Variants in RFPL2 observed in about 807,000 individuals in gnomAD.
RFPL2 encodes the protein ret finger protein-like 2.
Under a neutral mutation model 17.8 loss-of-function variants are expected in RFPL2, and 13 were observed. The observed-to-expected ratio is 0.73, with a 90% confidence interval of 0.47 to 1.16. The LOEUF is 1.16. Among genes scored for constraint, RFPL2 ranks in the 50% most tolerant of loss-of-function variants. The pLI is 0.00. For synonymous variants in RFPL2, 189 were observed against 180.9 expected (o/e 1.04, Z -0.36); for missense variants, 431 against 479.3 (o/e 0.90, Z 0.94).
Position 32,194,312 on chromosome 22 carries a change from A to G in RFPL2, c.265+33T>C, listed in dbSNP as rs775032523. 6 of 1,590,466 alleles carry G rather than the reference A, an allele frequency of 3.8e-6. No individual in the cohort carries two copies. In the South Asian group the frequency reaches 5.8e-5, roughly 15 times the overall value. On this transcript the variant is annotated intron_variant, in intron 3 of 4. Coordinates refer to ENST00000652607, the MANE Select transcript of RFPL2 (RefSeq NM_001394555.1). ...CATAACCCCCATTTCTAGGCATCTA[A>G]GAGGAAAAACACACACACAGGCATG...
rs190772107 is a variant in RFPL2, at chr22:32,200,465, G to A, written c.119+1868C>T. 7.1e-4 allele frequency among the ~76,000 whole-genome samples: 108 copies of A among 152,288 alleles called. 1 individual carries two copies. Among genetic ancestry groups the A allele is most frequent in the Middle Eastern group, 3.4e-3 (1 of 294 alleles). ...TGTAAGGGGGGATTCCTGGCACCCA[G>A]TGGGATAGTAGCCCAGGGGGAGAGG... is the stretch of plus-strand genomic sequence containing the variant. On this transcript the variant is annotated intron_variant, in intron 2 of 4. Coordinates refer to ENST00000652607, the MANE Select transcript of RFPL2 (RefSeq NM_001394555.1).
rs1009874550 is a variant in RFPL2 at position 32,202,479 on chromosome 22, C to G, written c.-28G>C. ...GAGGCAAATCATGGTGCCACAGGCT[C>G]TAGCCTCCAGCCCGTGGCATGTAGC... On this transcript the variant is annotated 5_prime_UTR_variant, in exon 2 of 5. An upstream open reading frame in the 5' UTR loses its in-frame stop. Transcript: ENST00000652607. The G allele has an allele frequency of 1.3e-6, 2 of 1,564,606 alleles. No individual in the cohort carries two copies. Among genetic ancestry groups the G allele is most frequent in the Non-Finnish European group, 1.7e-6 (2 of 1,154,592 alleles).
chr22:32,202,019 G>C (rs190269255), intron 2 of RFPL2, among the ~76,000 whole-genome samples: 45 of 152,168 alleles, frequency 3.0e-4, no homozygotes, highest in African/African-American at 1.1e-3. Context: ...CTAAGATCAG[G>C]GTGCCAGCAG....
rs1219495608 is a variant in RFPL2, at chr22:32,190,518, G to C, written c.*254C>G. The C allele has an allele frequency of 1.4e-5, 5 of 360,664 alleles. No homozygotes were observed. The highest frequency in any genetic ancestry group is 2.5e-5 in the Non-Finnish European group (5 of 203,582). 22.3% of individuals were successfully genotyped at this position (360,664 alleles called of 1,614,324 possible). A position where few individuals can be genotyped will look rare whatever the true frequency, so the allele number is the denominator to read the frequency against. On this transcript the variant is annotated 3_prime_UTR_variant, in exon 5 of 5. Transcript: ENST00000652607. ...GCAGAAATAAAAAAGTAAAGCATTT[G>C]GAAATTGATCCCAGAATACAGGACA...
chr22:32,203,081 C>T (rs1248511658), intron 1 of RFPL2: 2 of 985,796 alleles, frequency 2.0e-6, no homozygotes, highest in Non-Finnish European at 2.4e-6. Flanking sequence ...CCACCGCTGT[C>T]ACTGACACCT....
intron 2 of RFPL2, among the ~76,000 whole-genome samples, chr22:32,195,653 T>C (rs1923244894): frequency 6.6e-6 from 1 of 151,822 alleles, no homozygotes; most frequent in African/African-American, 2.4e-5. Flanking sequence ...AGACGGGGTT[T>C]CACCATTTTG....
In RFPL2 at chr22:32,191,362, G is replaced by T; in HGVS notation, c.557-10C>A. ...TCCAAGGTCATATCCACTGTGAAAA[G>T]GAAAAAAAGTTGCTCAGCAAATGGA... On this transcript the variant is annotated splice_polypyrimidine_tract_variant and intron_variant, in intron 4 of 4. Transcript: ENST00000652607. 1 of 1,593,680 alleles carries T rather than the reference G, an allele frequency of 6.3e-7. No individual in the cohort carries two copies. Among genetic ancestry groups the T allele is most frequent in the Non-Finnish European group, 8.6e-7 (1 of 1,169,210 alleles).
At chr22:32,200,093 C>T (rs1034017883) in intron 2 of RFPL2, 5 of 419,362 alleles carry the variant, frequency 1.2e-5, no homozygotes, top group African/African-American at 2.1e-5. Context: ...CCAAGGCCTC[C>T]AAACAGAGCA....
intron 1 of RFPL2, chr22:32,203,106 C>T (rs1924119132): frequency 3.0e-6 from 3 of 985,640 alleles, no homozygotes; most frequent in South Asian, 9.4e-5. Context: ...CGCCCGCCAC[C>T]GGCAGTGCAG....
rs189325264 is a variant in RFPL2 at position 32,190,740 on chromosome 22, T to G, written c.*32A>C. 2.8e-5 allele frequency: 42 copies of G among 1,502,290 alleles called. No individual in the cohort carries two copies. Among genetic ancestry groups the G allele is most frequent in the Admixed American group, 9.4e-5 (4 of 42,520 alleles). The allele number at this position is 1,502,290 out of a possible 1,614,324, so 93.1% of individuals were successfully genotyped here. ...AGTCTACCCACCCAAGTAATTTTCTTACCCTGTTTTTTGTTTTTTTGGAGT... is the reference window on the plus strand; with the variant it reads ...AGTCTACCCACCCAAGTAATTTTCTGACCCTGTTTTTTGTTTTTTTGGAGT... On this transcript the variant is annotated 3_prime_UTR_variant, in exon 5 of 5. Coordinates refer to ENST00000652607, the MANE Select transcript of RFPL2 (RefSeq NM_001394555.1).
chr22:32,197,934 G>C (rs1923519387), intron 2 of RFPL2, among the ~76,000 whole-genome samples: 1 of 152,134 alleles, frequency 6.6e-6, no homozygotes, highest in African/African-American at 2.4e-5. Flanking sequence ...GGTGATAGGG[G>C]CTTGCTTCCA....
chr22:32,192,209 T>A (rs1272169219), intron 4 of RFPL2, among the ~76,000 whole-genome samples: 1 of 152,164 alleles, frequency 6.6e-6, no homozygotes, highest in Non-Finnish European at 1.5e-5. Flanking sequence ...GTCGGGGACA[T>A]CATAGGGGCC....
intron 2 of RFPL2, among the ~76,000 whole-genome samples, chr22:32,195,240 T>C (rs1923194534): frequency 6.6e-6 from 1 of 152,204 alleles, no homozygotes; most frequent in African/African-American, 2.4e-5. Flanking sequence ...TAATTAAAAA[T>C]AAAGACCTAA....
In RFPL2 at chr22:32,193,061, G is replaced by A. The variant is rs747556887; in HGVS notation, c.397C>T (p.His133Tyr). ...KCINSLQKEP[H>Y]GEDLLCCCSS... ...CAACAGCAAAGTAGATCCTCCCCAT[G>A]GGGCTCCTTCTGCAGTGAATTAATG... The change falls in exon 4 of 5, where the codon CAT becomes TAT. Residue 133 changes from histidine to tyrosine, a missense_variant. By Grantham distance (83) the His-to-Tyr change is moderately conservative (BLOSUM62 2). Transcript: ENST00000652607. 1 of 1,613,942 alleles carries A rather than the reference G, an allele frequency of 6.2e-7. No homozygotes were observed. The highest frequency in any genetic ancestry group is 8.5e-7 in the Non-Finnish European group (1 of 1,179,874).
At position 32,191,286 on chromosome 22, in the gene RFPL2, A is replaced by C. The variant is rs201286112; in HGVS notation, c.623T>G (p.Val208Gly). 1.8e-4 allele frequency: 296 copies of C among 1,613,866 alleles called. No homozygotes were observed. In the African/African-American group the frequency reaches 3.8e-3, roughly 21 times the overall value. Residue 208 changes from valine to glycine, a missense_variant, in exon 5 of 5, where the codon GTC (valine) becomes GGC (glycine). Transcript: ENST00000652607. ...ATTCTGTCTGATGCGCCCACTTCGGACGCTCCTGAGGTCGTCAGAAATGAG... is the reference window on the plus strand; with the variant it reads ...ATTCTGTCTGATGCGCCCACTTCGGCCGCTCCTGAGGTCGTCAGAAATGAG... ...FLLISDDLRS[V>G]RSGRIRQNRQ...
intron 2 of RFPL2, among the ~76,000 whole-genome samples, chr22:32,200,889 A>G (rs1466365459): frequency 2.0e-5 from 3 of 152,070 alleles, no homozygotes; most frequent in African/African-American, 7.2e-5. Context: ...TCTTCACCTT[A>G]CAGCAGGTTC....
At position 32,202,554 on chromosome 22, in the gene RFPL2, G is replaced by C. The variant is rs1348863990; in HGVS notation, c.-99-4C>G. On this transcript the variant is annotated splice_region_variant and splice_polypyrimidine_tract_variant and intron_variant, in intron 1 of 4. Coordinates refer to ENST00000652607, the MANE Select transcript of RFPL2 (RefSeq NM_001394555.1). ...GGGCAGACAAAGCCAGAAAAGCCTAGAACAGGATGCAGAGTGGTAACATTA... is the reference window on the plus strand; with the variant it reads ...GGGCAGACAAAGCCAGAAAAGCCTACAACAGGATGCAGAGTGGTAACATTA... The C allele has an allele frequency of 2.3e-5, 35 of 1,515,306 alleles. No homozygotes were observed. Among genetic ancestry groups the C allele is most frequent in the Non-Finnish European group, 3.1e-5 (35 of 1,134,406 alleles). The allele number at this position is 1,515,306 out of a possible 1,614,324, so 93.9% of individuals were successfully genotyped here.
intron 1 of RFPL2, chr22:32,202,950 T>C (rs1924095658): frequency 1.0e-6 from 1 of 986,074 alleles, no homozygotes; most frequent in African/African-American, 1.7e-5. Flanking sequence ...AGGAGGCGGG[T>C]CCAGGAAGCA....
Position 32,190,558 on chromosome 22 carries a change from A to C in RFPL2, c.*214T>G, listed in dbSNP as rs1922462448. On this transcript the variant is annotated 3_prime_UTR_variant, in exon 5 of 5. Coordinates refer to ENST00000652607, the MANE Select transcript of RFPL2 (RefSeq NM_001394555.1). The stretch of plus-strand genomic sequence containing the variant: ...AATACAGGACATTTCTATAGGAAAC[A>C]AGATGTGAACCATAGGACTCAATGA... 2.3e-6 allele frequency: 1 copy of C among 432,010 alleles called. No homozygotes were observed. The highest frequency in any genetic ancestry group is 4.0e-6 in the Non-Finnish European group (1 of 251,668). 26.8% of individuals were successfully genotyped at this position (432,010 alleles called of 1,614,324 possible).
Sources: gnomAD v4.1 joint callset for allele counts (sites outside exome capture counted in the v4.1 genomes callset) on GRCh38, gnomAD v4.1.1 for gene constraint, MANE v1.5 for transcripts, NCBI Gene and HGNC (gene_info 2026-07-23, HGNC 2026-07-21) for gene names.